Variants in CACNB2 observed in about 807,000 individuals in gnomAD.
CACNB2 encodes calcium voltage-gated channel auxiliary subunit beta 2.
A neutral mutation model predicts 73.3 loss-of-function variants in CACNB2; 42 were observed. The observed-to-expected ratio is 0.57, with a 90% CI of 0.45 to 0.74. CACNB2 has a LOEUF of 0.74. CACNB2 is among the 30% of genes least tolerant of loss of function. The pLI is 0.00. For missense variants in CACNB2, 940 were observed against 853.0 expected (o/e 1.10, Z -1.27); for synonymous variants, 348 against 310.3 (o/e 1.12, Z -1.28).
chr10:18,163,124 C>T (rs1266730110), intron 2 of CACNB2, among the ~76,000 whole-genome samples: 1 of 152,022 alleles, frequency 6.6e-6, no homozygotes, highest in Non-Finnish European at 1.5e-5. Context: ...AATCAAGCAT[C>T]GTAAAGGAAT....
intron 2 of CACNB2, among the ~76,000 whole-genome samples, chr10:18,198,822 C>T (rs2131301257): frequency 6.6e-6 from 1 of 152,320 alleles, no homozygotes; most frequent in East Asian, 1.9e-4. Flanking sequence ...ACCTTCCATT[C>T]TCCCTGACGC....
At chr10:18,484,619 G>A (rs2048966528) in intron 3 of CACNB2, among the ~76,000 whole-genome samples, 2 of 152,044 alleles carry the variant, frequency 1.3e-5, no homozygotes, top group African/African-American at 2.4e-5. Context: ...CTTTTCAATC[G>A]CTGTAGCTAA....
chr10:18,459,930 C>T (rs1333699172), intron 3 of CACNB2, among the ~76,000 whole-genome samples: 2 of 151,854 alleles, frequency 1.3e-5, no homozygotes, highest in Non-Finnish European at 2.9e-5. Flanking sequence ...CCCAGGAGGC[C>T]GAGGTTGCAG....
intron 2 of CACNB2, among the ~76,000 whole-genome samples, chr10:18,356,148 G>A (rs559752751): frequency 5.9e-5 from 9 of 152,120 alleles, no homozygotes; most frequent in East Asian, 3.9e-4. Context: ...CACCTTCCCC[G>A]CTGTAATATT....
chr10:18,409,180 GCCCAGCTAT>G (rs989019108), intron 3 of CACNB2, among the ~76,000 whole-genome samples: 16 of 152,002 alleles, frequency 1.1e-4, no homozygotes, highest in African/African-American at 3.1e-4. Flanking sequence ...GCATCTGTAA[GCCCAGCTAT>G]CCCAGAGGCT....
At chr10:18,317,197 C>G (rs975595373) in intron 2 of CACNB2, among the ~76,000 whole-genome samples, 7 of 151,540 alleles carry the variant, frequency 4.6e-5, no homozygotes, top group African/African-American at 1.7e-4. Flanking sequence ...CTAATGACTT[C>G]CTTTTGGCCT....
At position 18,258,281 on chromosome 10, in the gene CACNB2, T is replaced by C. The variant is rs2037369013; in HGVS notation, c.213+107306T>C. Among the ~76,000 whole-genome samples the C allele has an allele frequency of 2.0e-5, 3 of 152,150 alleles. No homozygotes were observed. In the South Asian group the frequency reaches 6.2e-4, roughly 32 times the overall value. ...TATAAAAATATCATAGTTAATAAAA[T>C]GTTAAGTGAATTCCAAATCAAATTC... is the stretch of plus-strand genomic sequence containing the variant. On this transcript the variant is annotated intron_variant, in intron 2 of 13. Transcript: ENST00000324631.
intron 5 of CACNB2, among the ~76,000 whole-genome samples, chr10:18,505,545 A>C (rs2133068439): frequency 6.6e-6 from 1 of 152,322 alleles, no homozygotes; most frequent in African/African-American, 2.4e-5. Context: ...TATTTACGTA[A>C]GTAAATATTG....
chr10:18,175,650 A>T (rs7100500), intron 2 of CACNB2, among the ~76,000 whole-genome samples: 2 of 151,928 alleles, frequency 1.3e-5, no homozygotes, highest in South Asian at 2.1e-4. Context: ...CAGGCTGGAG[A>T]GCAATGGTGC....
intron 2 of CACNB2, among the ~76,000 whole-genome samples, chr10:18,254,187 C>T (rs1206843644): frequency 1.3e-5 from 2 of 152,156 alleles, no homozygotes; most frequent in African/African-American, 2.4e-5. Context: ...CTTTGAGCTA[C>T]GCAATTAAAA....
chr10:18,369,861 C>T (rs900881508), intron 2 of CACNB2, among the ~76,000 whole-genome samples: 1 of 152,148 alleles, frequency 6.6e-6, no homozygotes, highest in South Asian at 2.1e-4. Flanking sequence ...GAGCCGAGAT[C>T]ATGCCATTGC....
At chr10:18,319,640 A>T (rs1413356110) in intron 2 of CACNB2, among the ~76,000 whole-genome samples, 1 of 152,192 alleles carries the variant, frequency 6.6e-6, no homozygotes, top group Non-Finnish European at 1.5e-5. Context: ...ATTAAAAAAT[A>T]AAAAGGCACA....
At chr10:18,489,117 T>C (rs537268020) in intron 3 of CACNB2, among the ~76,000 whole-genome samples, 8 of 152,054 alleles carry the variant, frequency 5.3e-5, no homozygotes, top group African/African-American at 1.9e-4. Context: ...ATCAAGACCA[T>C]CCTGGCTAAC....
chr10:18,540,002 A>G lies in CACNB2; in HGVS notation c.*278A>G, dbSNP rs879239835. 17 of 361,652 alleles carry G rather than the reference A, an allele frequency of 4.7e-5. No homozygotes were observed. The South Asian group carries it at 5.8e-4, about 12-fold the overall frequency. 22.4% of individuals were successfully genotyped at this position (361,652 alleles called of 1,614,324 possible). A position where few individuals can be genotyped will look rare whatever the true frequency, so the allele number is the denominator to read the frequency against. ...GTTTTGGGTAGCTGCCACTTGAACA[A>G]AATCTGTTGCCACCCAGGTGATGTT... On this transcript the variant is annotated 3_prime_UTR_variant, in exon 14 of 14. Transcript: ENST00000324631.
At chr10:18,329,522 A>AG (rs397816862) in intron 2 of CACNB2, among the ~76,000 whole-genome samples, 1 of 148,986 alleles carries the variant, frequency 6.7e-6, no homozygotes, top group Admixed American at 6.7e-5. Context: ...AAAAAAAAAA[A>AG]GCAGGATAAG....
intron 2 of CACNB2, among the ~76,000 whole-genome samples, chr10:18,400,204 T>G (rs1468715195): frequency 6.6e-6 from 1 of 152,258 alleles, no homozygotes; most frequent in Non-Finnish European, 1.5e-5. Flanking sequence ...AGAACTGTGC[T>G]ATATTATGAC....
intron 9 of CACNB2, among the ~76,000 whole-genome samples, chr10:18,524,943 T>G (rs1053009907): frequency 1.8e-4 from 26 of 147,286 alleles, no homozygotes; most frequent in African/African-American, 6.5e-4. Flanking sequence ...GCCAGGGGGA[T>G]CACTTGAGCC....
intron 3 of CACNB2, among the ~76,000 whole-genome samples, chr10:18,406,368 A>G (rs1302042021): frequency 6.6e-6 from 1 of 152,198 alleles, no homozygotes; most frequent in African/African-American, 2.4e-5. Context: ...ACCAGGCTAC[A>G]CAGCAGGAGG....
At chr10:18,398,116 G>C (rs1454517453) in intron 2 of CACNB2, among the ~76,000 whole-genome samples, 1 of 152,178 alleles carries the variant, frequency 6.6e-6, no homozygotes, top group African/African-American at 2.4e-5. Flanking sequence ...GAGGCACGAT[G>C]ACCCAGAAAG....
Sources: allele counts gnomAD v4.1 joint callset (sites outside exome capture counted in the v4.1 genomes callset), GRCh38; gene constraint gnomAD v4.1.1; transcripts MANE v1.5; gene names NCBI Gene and HGNC (gene_info 2026-07-23, HGNC 2026-07-21).